The following BTG1 variants were observed in gnomAD, a reference collection of about 807,000 sequenced individuals.
BTG1 encodes the protein protein BTG1.
BTG1 carries 2 observed loss-of-function variants against 15.2 expected under a neutral mutation model. The ratio of observed to expected loss-of-function variants is 0.13; its 90% confidence interval spans 0.05 to 0.41. The LOEUF is 0.41. Among genes scored for constraint, BTG1 ranks in the 10% least tolerant of loss-of-function variants. The pLI is 0.99. For synonymous variants in BTG1, 109 were observed against 82.4 expected, an observed-to-expected ratio of 1.32 and a Z score of -1.75; for missense variants, 149 against 215.0, an observed-to-expected ratio of 0.69 and a Z score of 1.92.
chr12:92,145,615 T>A lies in BTG1; in HGVS notation c.-80A>T. 1 of 1,050,626 alleles carries A rather than the reference T, an allele frequency of 9.5e-7. No homozygotes were observed. The highest frequency in any genetic ancestry group is 1.2e-6 in the Non-Finnish European group (1 of 811,546). The allele number at this position is 1,050,626 out of a possible 1,614,324, so 65.1% of individuals were successfully genotyped here. A position where few individuals can be genotyped will look rare whatever the true frequency, so the allele number is the denominator to read the frequency against. ...GACGGCGGAGCAGCCACCCCGGGCT[T>A]CCTCACCGGGCGGAAGGCTGAGAGG... On this transcript the variant is annotated 5_prime_UTR_variant, in exon 1 of 2. Transcript: ENST00000256015.
chr12:92,143,124 A>T lies in BTG1; in HGVS notation c.*956T>A. 1 of 232,932 alleles carries T rather than the reference A, an allele frequency of 4.3e-6. No individual in the cohort carries two copies. Among genetic ancestry groups the T allele is most frequent in the East Asian group, 6.1e-5 (1 of 16,392 alleles). 14.4% of individuals were successfully genotyped at this position (232,932 alleles called of 1,614,324 possible). ...CCTCTATAATCATGACAAGAGATTG[A>T]TTAAAATGCCAAGATAAGAAACGAT... On this transcript the variant is annotated 3_prime_UTR_variant, in exon 2 of 2. Transcript: ENST00000256015.
At position 92,140,980 on chromosome 12, in the gene BTG1, C is replaced by T. The variant is rs1476653099; in HGVS notation, c.*3100G>A. ...CAAAGTACAACTTCAGTTATCATAC[C>T]TCTCTTCTGTAAAGAGGAAGAAGAG... On this transcript the variant is annotated 3_prime_UTR_variant, in exon 2 of 2. Coordinates refer to ENST00000256015, the MANE Select transcript of BTG1 (RefSeq NM_001731.3). The T allele has an allele frequency of 4.3e-6, 1 of 232,620 alleles. No individual in the cohort carries two copies. The highest frequency in any genetic ancestry group is 2.2e-5 in the African/African-American group (1 of 45,280). The allele number at this position is 232,620 out of a possible 1,614,324, so 14.4% of individuals were successfully genotyped here.
Position 92,145,568 on chromosome 12 carries a change from T to G in BTG1, c.-33A>C, listed in dbSNP as rs709223. 7.3e-7 allele frequency: 1 copy of G among 1,363,076 alleles called. No homozygotes were observed. 84.4% of individuals were successfully genotyped at this position (1,363,076 alleles called of 1,614,324 possible). Reference sequence around the variant, plus strand: ...GCGTGCGGGGGCGGCCCGGGGCGGCTGGGGCTCGGCGGCGCGGCCCCGACG... The same window carrying G: ...GCGTGCGGGGGCGGCCCGGGGCGGCGGGGGCTCGGCGGCGCGGCCCCGACG... On this transcript the variant is annotated 5_prime_UTR_variant, in exon 1 of 2. Transcript: ENST00000256015.
rs139186460 is a variant in BTG1 at position 92,143,372 on chromosome 12, G to A, written c.*708C>T. ...CCAGACCTCCACTTTCTAAAAATAA[G>A]AAGTTTACTCAGTCTTAGAAAACTA... On this transcript the variant is annotated 3_prime_UTR_variant, in exon 2 of 2. Coordinates refer to ENST00000256015, the MANE Select transcript of BTG1 (RefSeq NM_001731.3). 1.0e-3 allele frequency: 237 copies of A among 233,064 alleles called. No homozygotes were observed. The highest frequency in any genetic ancestry group is 1.4e-3 in the Non-Finnish European group (167 of 117,718). The allele number at this position is 233,064 out of a possible 1,614,324, so 14.4% of individuals were successfully genotyped here. A position where few individuals can be genotyped will look rare whatever the true frequency, so the allele number is the denominator to read the frequency against.
rs1360721658 is a variant in BTG1 at position 92,143,105 on chromosome 12, T to C, written c.*975A>G. 8.6e-6 allele frequency: 2 copies of C among 232,646 alleles called. No individual in the cohort carries two copies. The highest frequency in any genetic ancestry group is 6.1e-5 in the East Asian group (1 of 16,404). The allele number at this position is 232,646 out of a possible 1,614,324, so 14.4% of individuals were successfully genotyped here. On this transcript the variant is annotated 3_prime_UTR_variant, in exon 2 of 2. Transcript: ENST00000256015. ...AAAAATACTTTTAGCTAAACCTCTA[T>C]AATCATGACAAGAGATTGATTAAAA...
intron 1 of BTG1, chr12:92,145,032 G>A (rs28399536): frequency 5.8e-4 from 111 of 191,610 alleles, no homozygotes; most frequent in African/African-American, 2.5e-3. Context: ...GGTTGGAGGG[G>A]GCTGAGGAAA....
In BTG1 at chr12:92,142,938, G is replaced by T. The variant is rs989895372; in HGVS notation, c.*1142C>A. On this transcript the variant is annotated 3_prime_UTR_variant, in exon 2 of 2. Transcript: ENST00000256015. ...TGAATGTGTCCATGTTTTGACTTTAGAAATTTTTAAAACATGCTACTCCTG... is the reference window on the plus strand; with the variant it reads ...TGAATGTGTCCATGTTTTGACTTTATAAATTTTTAAAACATGCTACTCCTG... 1 of 232,844 alleles carries T rather than the reference G, an allele frequency of 4.3e-6. No individual in the cohort carries two copies. The highest frequency in any genetic ancestry group is 5.6e-5 in the Admixed American group (1 of 17,756). 14.4% of individuals were successfully genotyped at this position (232,844 alleles called of 1,614,324 possible). A position where few individuals can be genotyped will look rare whatever the true frequency, so the allele number is the denominator to read the frequency against.
rs1870242205 is a variant in BTG1, at chr12:92,141,775, C to T, written c.*2305G>A. ...AAACTTATAAACAGCTCCTCACAAG[C>T]CAGACATCACCTGAATTCTAAAATA... On this transcript the variant is annotated 3_prime_UTR_variant, in exon 2 of 2. Transcript: ENST00000256015. The T allele has an allele frequency of 1.3e-5, 3 of 232,526 alleles. No homozygotes were observed. In the South Asian group the frequency reaches 5.4e-4, roughly 42 times the overall value. The allele number at this position is 232,526 out of a possible 1,614,324, so 14.4% of individuals were successfully genotyped here.
intron 1 of BTG1, 133 bp from the exon 2 acceptor site, chr12:92,144,580 CCG>C: frequency 8.1e-7 from 1 of 1,232,116 alleles, no homozygotes; most frequent in East Asian, 2.4e-5. Flanking sequence ...AGGATTGCAT[CCG>C]TTGTTGTGCA....
Position 92,145,544 on chromosome 12 carries a change from C to G in BTG1, c.-9G>C, listed in dbSNP as rs1245394940. On this transcript the variant is annotated 5_prime_UTR_variant, in exon 1 of 2. Transcript: ENST00000256015. ...GTGTAGAAGGGATGCATGGGGGCGG[C>G]GTGCGGGGGCGGCCCGGGGCGGCTG... 9 of 1,477,864 alleles carry G rather than the reference C, an allele frequency of 6.1e-6. No homozygotes were observed. The highest frequency in any genetic ancestry group is 2.8e-5 in the South Asian group (2 of 71,752). 91.5% of individuals were successfully genotyped at this position (1,477,864 alleles called of 1,614,324 possible).
chr12:92,141,509 A>C lies in BTG1; in HGVS notation c.*2571T>G, dbSNP rs777506429. 1.7e-5 allele frequency: 4 copies of C among 231,422 alleles called. No homozygotes were observed. The highest frequency in any genetic ancestry group is 3.4e-5 in the Non-Finnish European group (4 of 116,926). 14.3% of individuals were successfully genotyped at this position (231,422 alleles called of 1,614,324 possible). On this transcript the variant is annotated 3_prime_UTR_variant, in exon 2 of 2. Coordinates refer to ENST00000256015, the MANE Select transcript of BTG1 (RefSeq NM_001731.3). ...GTAACACTCCTCAAACTTACTGCCAATCACAACTATGAATTCCTGGTGCCA... is the reference window on the plus strand; with the variant it reads ...GTAACACTCCTCAAACTTACTGCCACTCACAACTATGAATTCCTGGTGCCA...
rs1031929354 is a variant in BTG1, at chr12:92,141,134, C to A, written c.*2946G>T. On this transcript the variant is annotated 3_prime_UTR_variant, in exon 2 of 2. Transcript: ENST00000256015. ...AGCCATCGGGAATACGGCTTCCTTC[C>A]TTTTAACTTGAAGGCCAATTTCATA... is the stretch of plus-strand genomic sequence containing the variant. 1 of 232,674 alleles carries A rather than the reference C, an allele frequency of 4.3e-6. No individual in the cohort carries two copies. The highest frequency in any genetic ancestry group is 2.2e-5 in the African/African-American group (1 of 45,300). 14.4% of individuals were successfully genotyped at this position (232,674 alleles called of 1,614,324 possible).
At chr12:92,145,033 G>A (rs731652) in intron 1 of BTG1, 28,375 of 187,566 alleles carry the variant, frequency 0.15, 2,338 homozygotes, top group Admixed American at 0.23. Context: ...GTTGGAGGGG[G>A]CTGAGGAAAG....
rs917458000 is a variant in BTG1, at chr12:92,143,666, A to T, written c.*414T>A. 35 of 258,596 alleles carry T rather than the reference A, an allele frequency of 1.4e-4. No individual in the cohort carries two copies. In the Admixed American group the frequency reaches 1.4e-3, roughly 10 times the overall value. 16.0% of individuals were successfully genotyped at this position (258,596 alleles called of 1,614,324 possible). On this transcript the variant is annotated 3_prime_UTR_variant, in exon 2 of 2. Transcript: ENST00000256015. The stretch of plus-strand genomic sequence containing the variant: ...GTTTAAAACGTTTAACTTTCCTATT[A>T]AAAGCTGCCGAAAAGGTTAACAATA...
chr12:92,145,623 G>C lies in BTG1; in HGVS notation c.-88C>G, dbSNP rs1035476019. 8.0e-5 allele frequency: 79 copies of C among 986,032 alleles called. No homozygotes were observed. The highest frequency in any genetic ancestry group is 9.6e-5 in the Non-Finnish European group (72 of 753,486). 61.1% of individuals were successfully genotyped at this position (986,032 alleles called of 1,614,324 possible). ...AGCAGCCACCCCGGGCTTCCTCACC[G>C]GGCGGAAGGCTGAGAGGAAGAGAGG... On this transcript the variant is annotated 5_prime_UTR_variant, in exon 1 of 2. Coordinates refer to ENST00000256015, the MANE Select transcript of BTG1 (RefSeq NM_001731.3).
In BTG1 at chr12:92,140,469, C is replaced by G. The variant is rs1482680052; in HGVS notation, c.*3611G>C. On this transcript the variant is annotated 3_prime_UTR_variant, in exon 2 of 2. Transcript: ENST00000256015. The stretch of plus-strand genomic sequence containing the variant: ...TTAGGAGCATTTCAAAAATATAACA[C>G]TTAACATCAGAAGAAAATGATCTAT... 4.4e-6 allele frequency: 1 copy of G among 227,820 alleles called. No homozygotes were observed. The allele number at this position is 227,820 out of a possible 1,614,324, so 14.1% of individuals were successfully genotyped here. A position where few individuals can be genotyped will look rare whatever the true frequency, so the allele number is the denominator to read the frequency against.
In BTG1 at chr12:92,145,692, T is replaced by TA. The variant is rs1209796246; in HGVS notation, c.-158dup. 1 of 434,010 alleles carries TA rather than the reference T, an allele frequency of 2.3e-6. No individual in the cohort carries two copies. Among genetic ancestry groups the TA allele is most frequent in the Non-Finnish European group, 3.8e-6 (1 of 265,036 alleles). The allele number at this position is 434,010 out of a possible 1,614,324, so 26.9% of individuals were successfully genotyped here. On this transcript the variant is annotated 5_prime_UTR_variant, in exon 1 of 2. It introduces an in-frame stop codon into an upstream open reading frame of the 5' UTR. Transcript: ENST00000256015. Reference sequence around the variant, plus strand: ...TACTTTTGTCTTTCTTTCTTTAGACTAAAAAAGTTATTTTCGAGACAGGAG... The same window carrying TA: ...TACTTTTGTCTTTCTTTCTTTAGACTAAAAAAAGTTATTTTCGAGACAGGAG...
chr12:92,144,054 C>T lies in BTG1; in HGVS notation c.*26G>A, dbSNP rs774562072. On this transcript the variant is annotated 3_prime_UTR_variant, in exon 2 of 2. Coordinates refer to ENST00000256015, the MANE Select transcript of BTG1 (RefSeq NM_001731.3). ...AAAAATCAAATTTATCCATCATCATCAGATGATCCATCCACAGACTATATC... is the reference window on the plus strand; with the variant it reads ...AAAAATCAAATTTATCCATCATCATTAGATGATCCATCCACAGACTATATC... 5.9e-5 allele frequency: 95 copies of T among 1,603,800 alleles called. No homozygotes were observed. The highest frequency in any genetic ancestry group is 7.8e-5 in the Non-Finnish European group (92 of 1,178,018).
chr12:92,143,929 A>AT lies in BTG1; in HGVS notation c.*150_*151insA, dbSNP rs1165039633. ...TCCAAACTATGGCACTGTCACTTAA[A>AT]ATTTTTTTTTTTTTTACCATTCTAT... is the stretch of plus-strand genomic sequence containing the variant. On this transcript the variant is annotated 3_prime_UTR_variant, in exon 2 of 2. Coordinates refer to ENST00000256015, the MANE Select transcript of BTG1 (RefSeq NM_001731.3). 3.2e-4 allele frequency: 259 copies of AT among 801,858 alleles called. No homozygotes were observed. The highest frequency in any genetic ancestry group is 9.0e-4 in the East Asian group (32 of 35,672). The allele number at this position is 801,858 out of a possible 1,614,324, so 49.7% of individuals were successfully genotyped here. A position where few individuals can be genotyped will look rare whatever the true frequency, so the allele number is the denominator to read the frequency against.
Sources: gnomAD v4.1 joint callset for allele counts on GRCh38, gnomAD v4.1.1 for gene constraint, MANE v1.5 for transcripts, NCBI Gene and HGNC (gene_info 2026-07-23, HGNC 2026-07-21) for gene names.